Variants in FBXW10B observed in about 807,000 individuals in gnomAD.
The protein encoded by FBXW10B is F-box and WD repeat domain containing protein 10B.
the FBXW10B span, among the ~76,000 whole-genome samples, chr17:15,576,200 CT>C: frequency 6.6e-6 from 1 of 152,128 alleles, no homozygotes; most frequent in East Asian, 1.9e-4. Flanking sequence ...TAGTGATATC[CT>C]TTTTGCTGGT....
the FBXW10B span, among the ~76,000 whole-genome samples, chr17:15,601,205 C>T: frequency 1.9e-4 from 29 of 148,718 alleles, no homozygotes; most frequent in Admixed American, 1.1e-3. Flanking sequence ...GTCAGGAGAT[C>T]GAGACCATCC....
At chr17:15,581,085 C>T in the FBXW10B span, among the ~76,000 whole-genome samples, 1 of 152,176 alleles carries the variant, frequency 6.6e-6, no homozygotes, top group Middle Eastern at 3.4e-3. Context: ...AAGTTTCAGT[C>T]TTGCCATTGA....
At chr17:15,617,113 T>C in the FBXW10B span, among the ~76,000 whole-genome samples, 2 of 152,178 alleles carry the variant, frequency 1.3e-5, no homozygotes, top group African/African-American at 4.8e-5. Context: ...ATTAAGTCGG[T>C]TGATCTCCAA....
chr17:15,588,914 T>TG, the FBXW10B span: 1 of 1,614,040 alleles, frequency 6.2e-7, no homozygotes, highest in Non-Finnish European at 8.5e-7. Context: ...ATTCTGACCT[T>TG]GGGGGTGAAT....
chr17:15,578,690 A>G, the FBXW10B span, among the ~76,000 whole-genome samples: 1 of 152,100 alleles, frequency 6.6e-6, no homozygotes, highest in South Asian at 2.1e-4. Context: ...AGATTGGACT[A>G]CAATGCTGGA....
the FBXW10B span, chr17:15,593,637 T>G: frequency 3.4e-6 from 4 of 1,161,190 alleles, no homozygotes; most frequent in Non-Finnish European, 4.8e-6. Flanking sequence ...CTTTTTTTTT[T>G]TTTTTTTTGA....
chr17:15,613,686 C>A, the FBXW10B span: 37 of 1,602,898 alleles, frequency 2.3e-5, no homozygotes, highest in Non-Finnish European at 3.1e-5. Flanking sequence ...TGAGCCATGG[C>A]GGCCCAGTGC....
At chr17:15,619,472 A>C in the FBXW10B span, 1 of 1,613,822 alleles carries the variant, frequency 6.2e-7, no homozygotes. Flanking sequence ...CTCACAACGA[A>C]AATAGGGGGC....
At chr17:15,593,272 G>T in the FBXW10B span, 1 of 1,607,932 alleles carries the variant, frequency 6.2e-7, no homozygotes. Flanking sequence ...TATCCCAGGG[G>T]AGGAAAAAAA....
the FBXW10B span, among the ~76,000 whole-genome samples, chr17:15,592,543 T>C: frequency 4.7e-4 from 72 of 152,228 alleles, no homozygotes; most frequent in East Asian, 0.012. Flanking sequence ...AGCACAGTCC[T>C]GTATACAATG....
At chr17:15,608,854 T>G in the FBXW10B span, among the ~76,000 whole-genome samples, 1 of 152,254 alleles carries the variant, frequency 6.6e-6, no homozygotes, top group Non-Finnish European at 1.5e-5. Flanking sequence ...TTCTCATTAT[T>G]TTACAGATAA....
At chr17:15,598,089 T>C in the FBXW10B span, among the ~76,000 whole-genome samples, 81,258 of 151,510 alleles carry the variant, frequency 0.54, 24,695 homozygotes, top group African/African-American at 0.83. Flanking sequence ...TATAAAATTA[T>C]CAATGGGGCT....
At chr17:15,565,495 C>G in the FBXW10B span, 1 of 1,581,160 alleles carries the variant, frequency 6.3e-7, no homozygotes, top group Non-Finnish European at 8.7e-7. Context: ...GCTTGGCTTT[C>G]TGTTTATTGT....
the FBXW10B span, among the ~76,000 whole-genome samples, chr17:15,586,281 T>C: frequency 6.6e-6 from 1 of 151,664 alleles, no homozygotes; most frequent in East Asian, 1.9e-4. Context: ...AGTTATCCAT[T>C]TGTAAACTGC....
chr17:15,616,417 G>A, the FBXW10B span, among the ~76,000 whole-genome samples: 1 of 151,744 alleles, frequency 6.6e-6, no homozygotes, highest in Non-Finnish European at 1.5e-5. Flanking sequence ...TGATCCACCC[G>A]CCTCGGCCTC....
At chr17:15,604,828 C>T in the FBXW10B span, among the ~76,000 whole-genome samples, 31,134 of 151,572 alleles carry the variant, frequency 0.21, 3,275 homozygotes, top group East Asian at 0.36. Flanking sequence ...TGAGCCACCA[C>T]GCCTGGCCAC....
the FBXW10B span, among the ~76,000 whole-genome samples, chr17:15,567,847 T>C: frequency 6.6e-6 from 1 of 151,994 alleles, no homozygotes; most frequent in East Asian, 1.9e-4. Flanking sequence ...TGAATGTCTT[T>C]TTAAAATTTG....
chr17:15,616,168 T>G, the FBXW10B span, among the ~76,000 whole-genome samples: 1 of 151,988 alleles, frequency 6.6e-6, no homozygotes, highest in East Asian at 2.0e-4. Context: ...TAACTTTTTT[T>G]TGGTTTGTTT....
chr17:15,574,229 G>A, the FBXW10B span: 1,210 of 677,216 alleles, frequency 1.8e-3, 11 homozygotes, highest in African/African-American at 0.019. Context: ...CCAACTCCAT[G>A]TGTCTGAGGT....
Sources: gnomAD v4.1 joint callset for allele counts (sites outside exome capture counted in the v4.1 genomes callset) on GRCh38, gnomAD v4.1.1 for gene constraint, MANE v1.5 for transcripts, NCBI Gene and HGNC (gene_info 2026-07-23, HGNC 2026-07-21) for gene names.